ITPR1: variants seen among roughly 807,000 people sequenced by gnomAD.
ITPR1 encodes inositol 1,4,5-trisphosphate receptor type 1, also known as inositol 1,4,5-trisphosphate-gated calcium channel ITPR1.
Under a neutral mutation model 318.4 loss-of-function variants are expected in ITPR1, and 96 were observed. The observed-to-expected ratio is 0.30, with a 90% CI of 0.26 to 0.36. The LOEUF is 0.36. ITPR1 is among the 10% of genes least tolerant of loss of function. ITPR1 has a pLI of 1.00. For synonymous variants in ITPR1, 1,312 were observed against 1,289.9 expected (o/e 1.02, Z -0.37); for missense variants, 2,440 against 3,460.2 (o/e 0.71, Z 7.40).
chr3:4,531,892 C>G (rs978502204), intron 4 of ITPR1, among the ~76,000 whole-genome samples: 1 of 152,176 alleles, frequency 6.6e-6, no homozygotes, highest in African/African-American at 2.4e-5. Flanking sequence ...GGGTTTGGCT[C>G]TCAGCCCTGC....
intron 2 of ITPR1, among the ~76,000 whole-genome samples, chr3:4,509,361 C>G (rs2081628705): frequency 6.6e-6 from 1 of 152,186 alleles, no homozygotes; most frequent in Non-Finnish European, 1.5e-5. Flanking sequence ...GTTAGAGTAT[C>G]TTTCCAGGGA....
At chr3:4,712,789 A>T (rs193065115) in intron 39 of ITPR1, among the ~76,000 whole-genome samples, 5 of 152,208 alleles carry the variant, frequency 3.3e-5, no homozygotes, top group Non-Finnish European at 7.4e-5. Flanking sequence ...TACTAGTGAG[A>T]CTCCTTGGAT....
intron 4 of ITPR1, among the ~76,000 whole-genome samples, chr3:4,572,264 C>A (rs1307590570): frequency 6.6e-6 from 1 of 152,218 alleles, no homozygotes; most frequent in Non-Finnish European, 1.5e-5. Context: ...GCATCTCAAA[C>A]TTACACCCAC....
intron 4 of ITPR1, among the ~76,000 whole-genome samples, chr3:4,605,013 C>T (rs1235058843): frequency 6.6e-6 from 1 of 152,012 alleles, no homozygotes; most frequent in Admixed American, 6.6e-5. Flanking sequence ...GTTCTGTCGC[C>T]TAGGCTGAAG....
intron 60 of ITPR1, among the ~76,000 whole-genome samples, chr3:4,823,931 T>C (rs1345791964): frequency 6.6e-6 from 1 of 152,222 alleles, no homozygotes; most frequent in Non-Finnish European, 1.5e-5. Flanking sequence ...TTCACTTCTA[T>C]ATGTTGGAAT....
chr3:4,580,634 G>A (rs11705928), intron 4 of ITPR1, among the ~76,000 whole-genome samples: 11,150 of 151,002 alleles, frequency 0.074, 560 homozygotes, highest in Non-Finnish European at 0.11. Context: ...TTGCCTTGCC[G>A]TCCCAGGTGT....
At position 4,800,415 on chromosome 3, in the gene ITPR1, G is replaced by C; in HGVS notation, c.6932-10G>C. Reference sequence around the variant, plus strand: ...CAGATTTGTGAGAGAACCCTGTTTTGTCCTTGCAGGAACCCTGGAGCCCCA... The same window carrying C: ...CAGATTTGTGAGAGAACCCTGTTTTCTCCTTGCAGGAACCCTGGAGCCCCA... On this transcript the variant is annotated splice_polypyrimidine_tract_variant and intron_variant, in intron 53 of 61. Coordinates refer to ENST00000649015, the MANE Select transcript of ITPR1 (RefSeq NM_001378452.1). The C allele has an allele frequency of 1.2e-6, 2 of 1,612,366 alleles. No homozygotes were observed. Among genetic ancestry groups the C allele is most frequent in the East Asian group, 4.5e-5 (2 of 44,872 alleles).
At chr3:4,714,338 TC>T (rs1423524550) in intron 39 of ITPR1, among the ~76,000 whole-genome samples, 1 of 152,126 alleles carries the variant, frequency 6.6e-6, no homozygotes, top group East Asian at 1.9e-4. Flanking sequence ...CCTCCTCCCA[TC>T]CCTGTTTTCT....
At chr3:4,525,588 C>T (rs949548700) in intron 4 of ITPR1, among the ~76,000 whole-genome samples, 1 of 152,088 alleles carries the variant, frequency 6.6e-6, no homozygotes, top group Non-Finnish European at 1.5e-5. Flanking sequence ...TATCATTGTC[C>T]TCGTAAGGGA....
At chr3:4,801,956 T>C (rs752257544) in intron 54 of ITPR1, among the ~76,000 whole-genome samples, 16 of 152,176 alleles carry the variant, frequency 1.1e-4, no homozygotes, top group Non-Finnish European at 1.9e-4. Flanking sequence ...CGTGGTTCAG[T>C]AGTGATCAGT....
At chr3:4,791,588 C>T (rs1045808922) in intron 52 of ITPR1, among the ~76,000 whole-genome samples, 7 of 152,152 alleles carry the variant, frequency 4.6e-5, no homozygotes, top group African/African-American at 7.2e-5. Context: ...AACTGGTCTG[C>T]GGCCCCAGGG....
intron 4 of ITPR1, among the ~76,000 whole-genome samples, chr3:4,542,040 A>C: frequency 6.6e-6 from 1 of 152,038 alleles, no homozygotes; most frequent in Non-Finnish European, 1.5e-5. Context: ...TCTGCTCTGT[A>C]TTCATTGAGA....
At chr3:4,662,486 G>A (rs1221144868) in intron 15 of ITPR1, among the ~76,000 whole-genome samples, 2 of 152,224 alleles carry the variant, frequency 1.3e-5, no homozygotes, top group Non-Finnish European at 2.9e-5. Context: ...ACTTTGGGAG[G>A]CTGAGGTGGG....
At chr3:4,789,726 T>C (rs1295695960) in intron 52 of ITPR1, among the ~76,000 whole-genome samples, 5 of 152,194 alleles carry the variant, frequency 3.3e-5, no homozygotes, top group African/African-American at 1.2e-4. Flanking sequence ...TTCAAGCGAT[T>C]CCCCTGCCTT....
At chr3:4,845,532 G>GTGTC (rs1206029748) in intron 61 of ITPR1, among the ~76,000 whole-genome samples, 1 of 152,196 alleles carries the variant, frequency 6.6e-6, no homozygotes, top group Non-Finnish European at 1.5e-5. Context: ...GCGAGCCTCA[G>GTGTC]TGTCTACTGG....
At chr3:4,571,794 G>C (rs2088025793) in intron 4 of ITPR1, among the ~76,000 whole-genome samples, 1 of 152,132 alleles carries the variant, frequency 6.6e-6, no homozygotes, top group Non-Finnish European at 1.5e-5. Flanking sequence ...AACCTAGAAT[G>C]GGCAGGTCTC....
chr3:4,587,445 GT>G (rs1349611891), intron 4 of ITPR1, among the ~76,000 whole-genome samples: 1 of 151,918 alleles, frequency 6.6e-6, no homozygotes, highest in Non-Finnish European at 1.5e-5. Flanking sequence ...TAATTTTTGT[GT>G]TTTTAGTAGA....
At chr3:4,604,234 G>GTT (rs2091525592) in intron 4 of ITPR1, among the ~76,000 whole-genome samples, 1 of 152,138 alleles carries the variant, frequency 6.6e-6, no homozygotes, top group Admixed American at 6.5e-5. Flanking sequence ...GAAGACTTCT[G>GTT]TGCTGGCAAG....
rs573031038 is a variant in ITPR1, at chr3:4,656,853, T to C, written c.997-1271T>C. ...TAGATGCAGGTGGAGGCTGTCATCC[T>C]GCAAGGATGTTAGACATGGAAAATC... On this transcript the variant is annotated intron_variant, in intron 12 of 61. Transcript: ENST00000649015. 5.9e-5 allele frequency among the ~76,000 whole-genome samples: 9 copies of C among 152,362 alleles called. No individual in the cohort carries two copies. The East Asian group carries it at 1.7e-3, about 29-fold the overall frequency.
Sources: allele counts gnomAD v4.1 joint callset (sites outside exome capture counted in the v4.1 genomes callset), GRCh38; gene constraint gnomAD v4.1.1; transcripts MANE v1.5; gene names NCBI Gene and HGNC (gene_info 2026-07-23, HGNC 2026-07-21).